The following MAP2K6 variants were observed in gnomAD, a reference collection of about 807,000 sequenced individuals.
The protein encoded by MAP2K6 is mitogen-activated protein kinase kinase 6.
In MAP2K6, 16 loss-of-function variants were observed where a neutral mutation model predicts 53.7. The observed-to-expected ratio is 0.30, with a 90% CI of 0.20 to 0.45. The LOEUF (loss-of-function observed/expected upper bound fraction) is 0.45, where lower values mean the gene tolerates loss of function less well. Ranked by LOEUF, MAP2K6 falls within the 20% of genes least tolerant of loss-of-function variation. The probability of loss-of-function intolerance (pLI) is 1.00; values close to 1 mark genes in which losing one functional copy is unlikely to be tolerated. For missense variants in MAP2K6, 204 were observed against 411.9 expected (o/e 0.50, Z 4.37); for synonymous variants, 132 against 143.1 (o/e 0.92, Z 0.55).
At chr17:69,463,103 C>T (rs1251993290) in intron 1 of MAP2K6, among the ~76,000 whole-genome samples, 1 of 151,792 alleles carries the variant, frequency 6.6e-6, no homozygotes, top group Non-Finnish European at 1.5e-5. Flanking sequence ...GCACCAGCCA[C>T]CGGGACACCT....
chr17:69,453,478 A>G (rs1907297836), intron 1 of MAP2K6, among the ~76,000 whole-genome samples: 1 of 152,214 alleles, frequency 6.6e-6, no homozygotes, highest in Admixed American at 6.5e-5. Context: ...GGACATGGAG[A>G]TGTAGGTTCG....
chr17:69,478,128 G>C (rs1222610430), intron 1 of MAP2K6, among the ~76,000 whole-genome samples: 1 of 152,220 alleles, frequency 6.6e-6, no homozygotes. Context: ...AGTGGACACA[G>C]AAGACAGCAC....
In MAP2K6 at chr17:69,428,858, G is replaced by GT. The variant is rs944503966; in HGVS notation, c.16+13863dup. 2.2e-3 allele frequency among the ~76,000 whole-genome samples: 173 copies of GT among 77,614 alleles called. 6 individuals are homozygous for GT. The highest frequency in any genetic ancestry group is 0.014 in the African/African-American group (164 of 11,678). The allele number at this position is 77,614 out of a possible 152,430, so 50.9% of individuals were successfully genotyped here. On this transcript the variant is annotated intron_variant, in intron 1 of 11. Coordinates refer to ENST00000590474, the MANE Select transcript of MAP2K6 (RefSeq NM_002758.4). ...ACTACCTGCCCTTTCTTCTGTTTTT[G>GT]TTTTTGTTTTTTTTTTTTTTAATTG...
At chr17:69,449,666 G>A (rs1413131787) in intron 1 of MAP2K6, among the ~76,000 whole-genome samples, 11 of 122,638 alleles carry the variant, frequency 9.0e-5, no homozygotes, top group African/African-American at 3.1e-4. Context: ...AGGCTAGAGT[G>A]CAGTGGCGCG....
intron 1 of MAP2K6, among the ~76,000 whole-genome samples, chr17:69,446,215 C>T (rs532026506): frequency 1.7e-4 from 26 of 152,212 alleles, no homozygotes; most frequent in Admixed American, 1.4e-3. Context: ...ATCATTTGGC[C>T]TAAGAATATC....
intron 1 of MAP2K6, among the ~76,000 whole-genome samples, chr17:69,425,953 G>A (rs1327764370): frequency 6.6e-6 from 1 of 151,590 alleles, no homozygotes; most frequent in Admixed American, 6.6e-5. Context: ...TCCTGTACCC[G>A]AAACACCTTT....
At chr17:69,540,891 C>T (rs991534460) in intron 11 of MAP2K6, among the ~76,000 whole-genome samples, 8 of 152,288 alleles carry the variant, frequency 5.3e-5, no homozygotes, top group Middle Eastern at 3.4e-3. Flanking sequence ...ACGTCAAGGG[C>T]GAGGGCTACC....
At chr17:69,505,411 C>G (rs1429777963) in intron 1 of MAP2K6, 3 of 199,664 alleles carry the variant, frequency 1.5e-5, no homozygotes, top group Admixed American at 5.8e-5. Flanking sequence ...CCACTGTACT[C>G]CAGCCTGGGT....
chr17:69,521,086 C>G lies in MAP2K6; in HGVS notation c.521C>G (p.Ser174Cys). Residue 174 changes from serine to cysteine, a missense_variant, in exon 7 of 12, where the codon TCT becomes TGT. Physicochemically the swap from Ser to Cys is moderately radical, Grantham distance 112. Transcript: ENST00000590474. ...KALEHLHSKL[S>C]VIHRDVKPSN... The stretch of plus-strand genomic sequence containing the variant: ...TTAGAACATTTACATAGTAAGCTGT[C>G]TGTCATTCACAGAGGTAAGCATCCA... The G allele has an allele frequency of 6.2e-7, 1 of 1,610,110 alleles. No homozygotes were observed.
chr17:69,454,015 C>G (rs1340349463), intron 1 of MAP2K6, among the ~76,000 whole-genome samples: 5 of 152,220 alleles, frequency 3.3e-5, no homozygotes, highest in African/African-American at 1.2e-4. Flanking sequence ...ATGTAGGTAA[C>G]CTTTATGGCC....
intron 1 of MAP2K6, among the ~76,000 whole-genome samples, chr17:69,473,131 T>C (rs1435049385): frequency 6.6e-6 from 1 of 152,228 alleles, no homozygotes; most frequent in Non-Finnish European, 1.5e-5. Flanking sequence ...AGGAAACTTA[T>C]TCTTGTTTAT....
At chr17:69,445,586 G>C (rs997203773) in intron 1 of MAP2K6, among the ~76,000 whole-genome samples, 1 of 152,164 alleles carries the variant, frequency 6.6e-6, no homozygotes, top group South Asian at 2.1e-4. Flanking sequence ...AGGAAGTAAC[G>C]TGTTTTGGGC....
At chr17:69,457,769 C>T (rs941643457) in intron 1 of MAP2K6, among the ~76,000 whole-genome samples, 4 of 152,164 alleles carry the variant, frequency 2.6e-5, no homozygotes, top group Non-Finnish European at 5.9e-5. Context: ...CACACTACTC[C>T]AGCCTGGGTA....
rs1911871736 is a variant in MAP2K6, at chr17:69,546,201, ACT to A, written c.*4451_*4452del. The A allele has an allele frequency of 6.6e-6, 1 of 150,908 alleles. No homozygotes were observed. The highest frequency in any genetic ancestry group is 1.5e-5 in the Non-Finnish European group (1 of 67,840). The allele number at this position is 150,908 out of a possible 1,614,324, so 9.3% of individuals were successfully genotyped here. ...GCCACTCAACTCTCCACATTATTTC[ACT>A]CTTTGTTTTGTTATTATTAGTATTC... On this transcript the variant is annotated 3_prime_UTR_variant, in exon 12 of 12. Transcript: ENST00000590474.
At chr17:69,452,369 TTC>T (rs1907260132) in intron 1 of MAP2K6, among the ~76,000 whole-genome samples, 1 of 152,140 alleles carries the variant, frequency 6.6e-6, no homozygotes, top group Non-Finnish European at 1.5e-5. Flanking sequence ...GATGCCTACC[TTC>T]TCTGTTCCTG....
At chr17:69,463,568 G>A (rs922755894) in intron 1 of MAP2K6, among the ~76,000 whole-genome samples, 1 of 148,318 alleles carries the variant, frequency 6.7e-6, no homozygotes, top group African/African-American at 2.5e-5. Context: ...ACGTTCAAGC[G>A]ATTCTCCTGT....
chr17:69,478,913 A>G (rs377242151), intron 1 of MAP2K6, among the ~76,000 whole-genome samples: 2 of 152,158 alleles, frequency 1.3e-5, no homozygotes, highest in African/African-American at 4.8e-5. Context: ...GCCTTGTGCC[A>G]GAGCCAGCCG....
chr17:69,457,181 G>T (rs970662936), intron 1 of MAP2K6, among the ~76,000 whole-genome samples: 1 of 152,206 alleles, frequency 6.6e-6, no homozygotes, highest in African/African-American at 2.4e-5. Context: ...GAAGGATGCA[G>T]CTTGGGATTT....
intron 1 of MAP2K6, among the ~76,000 whole-genome samples, chr17:69,432,067 G>C (rs892732512): frequency 7.2e-5 from 11 of 152,178 alleles, no homozygotes; most frequent in African/African-American, 2.7e-4. Context: ...GTCACAGAAG[G>C]AACAGTCAAA....
Sources: gnomAD v4.1 joint callset for allele counts (sites outside exome capture counted in the v4.1 genomes callset) on GRCh38, gnomAD v4.1.1 for gene constraint, MANE v1.5 for transcripts, NCBI Gene and HGNC (gene_info 2026-07-23, HGNC 2026-07-21) for gene names.